The following ZNF98 variants were observed in gnomAD, a reference collection of about 807,000 sequenced individuals.
The protein encoded by ZNF98 is zinc finger protein 98.
Under a neutral mutation model 12.8 loss-of-function variants are expected in ZNF98, and 8 were observed. The ratio of observed to expected loss-of-function variants is 0.63; its 90% CI spans 0.37 to 1.13. ZNF98 has a LOEUF of 1.13. Ranked by LOEUF, ZNF98 falls within the 50% of genes most tolerant of loss-of-function variation. ZNF98 has a pLI of 0.01. For synonymous variants in ZNF98, 112 were observed against 223.5 expected (o/e 0.50, Z 4.45); for missense variants, 379 against 666.1 (o/e 0.57, Z 4.74).
At chr19:22,410,881 CAG>C (rs1023025501) in intron 1 of ZNF98, among the ~76,000 whole-genome samples, 2 of 152,086 alleles carry the variant, frequency 1.3e-5, no homozygotes, top group Admixed American at 6.5e-5. Context: ...AGGCACAGCA[CAG>C]AGTCTCTTAC....
In ZNF98 at chr19:22,391,952, T is replaced by C; in HGVS notation, c.1283A>G (p.His428Arg). The C allele has an allele frequency of 6.4e-7, 1 of 1,559,054 alleles. No homozygotes were observed. Among genetic ancestry groups the C allele is most frequent in the Non-Finnish European group, 8.7e-7 (1 of 1,152,420 alleles). ...FSHLTTHKRIHTGEKPYKCEE... is the reference protein window; with the variant it reads ...FSHLTTHKRIRTGEKPYKCEE... ...ACATTTGTAGGGCTTCTCTCCAGTA[T>C]GAATTCTCTTATGTGTAGTAAGGTG... Residue 428 changes from histidine to arginine, a missense_variant, in exon 4 of 4, where the codon CAT becomes CGT. By Grantham distance (29) the His-to-Arg change is conservative. Coordinates refer to ENST00000357774, the MANE Select transcript of ZNF98 (RefSeq NM_001098626.2).
At chr19:22,417,633 G>T (rs1969660141) in intron 1 of ZNF98, among the ~76,000 whole-genome samples, 1 of 152,108 alleles carries the variant, frequency 6.6e-6, no homozygotes, top group South Asian at 2.1e-4. Context: ...AGAACCCTCA[G>T]TTGGTGGGGA....
intron 1 of ZNF98, among the ~76,000 whole-genome samples, chr19:22,404,102 C>T (rs1336709683): frequency 6.6e-6 from 1 of 152,232 alleles, no homozygotes; most frequent in Non-Finnish European, 1.5e-5. Context: ...AGCCTGTAGT[C>T]CCAGCTACTC....
intron 1 of ZNF98, among the ~76,000 whole-genome samples, chr19:22,405,844 G>A (rs572891618): frequency 3.9e-5 from 6 of 152,212 alleles, no homozygotes; most frequent in South Asian, 4.2e-4. Flanking sequence ...CCAACACACC[G>A]GCTGTGCCAG....
At chr19:22,400,972 A>C in intron 3 of ZNF98, among the ~76,000 whole-genome samples, 1 of 151,036 alleles carries the variant, frequency 6.6e-6, no homozygotes. Flanking sequence ...AACAAAACAA[A>C]ACAAAAAAAA....
chr19:22,406,863 G>A lies in ZNF98; in HGVS notation c.31-3351C>T, dbSNP rs140153692. On this transcript the variant is annotated intron_variant, in intron 1 of 3. Coordinates refer to ENST00000357774, the MANE Select transcript of ZNF98 (RefSeq NM_001098626.2). ...AAGACACTGAAAACCCAAAAGGCAA[G>A]AGTGCCTCTTCTCCAAATGATTGCA... is the stretch of plus-strand genomic sequence containing the variant. Among the ~76,000 whole-genome samples, 1,106 of 151,746 alleles carry A rather than the reference G, an allele frequency of 7.3e-3. 5 individuals carry two copies. Among genetic ancestry groups the A allele is most frequent in the Non-Finnish European group, 0.013 (881 of 67,980 alleles).
chr19:22,404,174 C>A (rs1213301590), intron 1 of ZNF98, among the ~76,000 whole-genome samples: 1 of 152,178 alleles, frequency 6.6e-6, no homozygotes, highest in African/African-American at 2.4e-5. Context: ...GAGCTGAAAT[C>A]GCGCCACTAC....
intron 1 of ZNF98, among the ~76,000 whole-genome samples, chr19:22,413,869 C>CAAAAAAA (rs57148885): frequency 2.3e-5 from 1 of 43,180 alleles, no homozygotes; most frequent in African/African-American, 8.1e-5. Flanking sequence ...AACTCCGTCT[C>CAAAAAAA]AAAAAAAAAA....
At chr19:22,408,470 G>C (rs116671111) in intron 1 of ZNF98, among the ~76,000 whole-genome samples, 2,356 of 152,230 alleles carry the variant, frequency 0.015, 75 homozygotes, top group African/African-American at 0.054. Context: ...AAGAAATTAA[G>C]AGTATTCAAA....
At chr19:22,412,980 G>A (rs1297589270) in intron 1 of ZNF98, among the ~76,000 whole-genome samples, 2 of 152,094 alleles carry the variant, frequency 1.3e-5, no homozygotes, top group African/African-American at 4.8e-5. Flanking sequence ...GTGAACCCAC[G>A]AGGCGGAGCT....
At chr19:22,413,618 C>A (rs1179109030) in intron 1 of ZNF98, among the ~76,000 whole-genome samples, 1 of 152,018 alleles carries the variant, frequency 6.6e-6, no homozygotes, top group African/African-American at 2.4e-5. Context: ...CACCTGTAAT[C>A]CCAGCACTTT....
rs541531868 is a variant in ZNF98, at chr19:22,402,015, A to G, written c.253+774T>C. On this transcript the variant is annotated intron_variant, in intron 3 of 3. Coordinates refer to ENST00000357774, the MANE Select transcript of ZNF98 (RefSeq NM_001098626.2). Reference sequence around the variant, plus strand: ...ATATGGTGACACCCCGTCTCTACTAAAAATATAAAAATTAGCCAGGCATGG... The same window carrying G: ...ATATGGTGACACCCCGTCTCTACTAGAAATATAAAAATTAGCCAGGCATGG... Among the ~76,000 whole-genome samples, 20 of 151,096 alleles carry G rather than the reference A, an allele frequency of 1.3e-4. 1 individual carries two copies. The highest frequency in any genetic ancestry group is 4.8e-4 in the African/African-American group (20 of 41,286).
intron 1 of ZNF98, among the ~76,000 whole-genome samples, chr19:22,413,320 T>A (rs1396460521): frequency 6.6e-6 from 1 of 152,118 alleles, no homozygotes; most frequent in African/African-American, 2.4e-5. Flanking sequence ...ACAGATGACA[T>A]AATGCCGTAC....
rs1356606444 is a variant in ZNF98, at chr19:22,402,882, T to C, written c.160A>G (p.Ile54Val). Reference sequence around the variant, plus strand: ...ATCAGGTCTGGCTTAGAGGCAGCAATACCTGTTTTATTACAAATAACATGA... The same window carrying C: ...ATCAGGTCTGGCTTAGAGGCAGCAACACCTGTTTTATTACAAATAACATGA... Reference protein sequence around the residue: ...ENYRNLVFVGIAASKPDLITC... With the variant: ...ENYRNLVFVGVAASKPDLITC... The change falls in exon 3 of 4, where the codon ATT (isoleucine) becomes GTT (valine). Residue 54 changes from isoleucine to valine, a missense_variant and splice_region_variant. Physicochemically the swap from Ile to Val is conservative, Grantham distance 29. Coordinates refer to ENST00000357774, the MANE Select transcript of ZNF98 (RefSeq NM_001098626.2). 2 of 1,575,064 alleles carry C rather than the reference T, an allele frequency of 1.3e-6. No individual in the cohort carries two copies. Among genetic ancestry groups the C allele is most frequent in the East Asian group, 2.3e-5 (1 of 44,094 alleles).
intron 1 of ZNF98, among the ~76,000 whole-genome samples, chr19:22,418,305 A>G (rs1340070095): frequency 6.6e-6 from 1 of 152,188 alleles, no homozygotes; most frequent in Admixed American, 6.6e-5. Flanking sequence ...GAACTCAGCA[A>G]AACACTGTAG....
intron 1 of ZNF98, among the ~76,000 whole-genome samples, chr19:22,404,125 C>G (rs1170077355): frequency 6.6e-6 from 1 of 152,186 alleles, no homozygotes. Context: ...GAGGCTGAGG[C>G]AGGAGAATGG....
intron 3 of ZNF98, among the ~76,000 whole-genome samples, chr19:22,400,470 C>G (rs1260557730): frequency 6.6e-6 from 1 of 151,830 alleles, no homozygotes; most frequent in East Asian, 2.0e-4. Context: ...GATACTCACT[C>G]TGTCCAAAAA....
In ZNF98 at chr19:22,391,838, T is replaced by C; in HGVS notation, c.1397A>G (p.Glu466Gly). 1 of 1,604,856 alleles carries C rather than the reference T, an allele frequency of 6.2e-7. No individual in the cohort carries two copies. The highest frequency in any genetic ancestry group is 8.5e-7 in the Non-Finnish European group (1 of 1,175,894). Residue 466 changes from glutamate to glycine, a missense_variant, in exon 4 of 4, where the codon GAA becomes GGA. By Grantham distance (98) the Glu-to-Gly change is moderately conservative. This residue lies in a region of ZNF98 where 19 missense variants were observed against 119.7 expected (regional missense o/e 0.16). Coordinates refer to ENST00000357774, the MANE Select transcript of ZNF98 (RefSeq NM_001098626.2). ...GGACTGGTTAAAAGCTTTGCCACAT[T>C]CTTCACATTTGTAGGGTTTCTCTCC... is the stretch of plus-strand genomic sequence containing the variant. ...HTGEKPYKCEECGKAFNQSST... is the reference protein window; with the variant it reads ...HTGEKPYKCEGCGKAFNQSST...
intron 1 of ZNF98, among the ~76,000 whole-genome samples, chr19:22,413,529 G>T (rs1234331628): frequency 2.0e-5 from 3 of 152,082 alleles, no homozygotes; most frequent in Non-Finnish European, 4.4e-5. Context: ...TAGCTAACCA[G>T]GGAGGTCAAA....
Sources: gnomAD v4.1 joint callset for allele counts (sites outside exome capture counted in the v4.1 genomes callset) on GRCh38, gnomAD v4.1.1 for gene constraint, gnomAD v4.1.1 regional missense constraint, MANE v1.5 for transcripts, NCBI Gene and HGNC (gene_info 2026-07-23, HGNC 2026-07-21) for gene names.